Variants in DOCK2 observed in about 807,000 individuals in gnomAD.
DOCK2 encodes the protein dedicator of cytokinesis protein 2.
Under a neutral mutation model 248.9 loss-of-function variants are expected in DOCK2, and 87 were observed. The ratio of observed to expected loss-of-function variants is 0.35; its 90% CI spans 0.29 to 0.42. The LOEUF is 0.42. Ranked by LOEUF, DOCK2 falls within the 10% of genes least tolerant of loss-of-function variation. The pLI is 1.00. For synonymous variants in DOCK2, 805 were observed against 821.6 expected (o/e 0.98, Z 0.35); for missense variants, 1,747 against 2,300.2 (o/e 0.76, Z 4.92).
chr5:169,640,938 G>C (rs1757110601), intron 1 of DOCK2, among the ~76,000 whole-genome samples: 1 of 152,188 alleles, frequency 6.6e-6, no homozygotes, highest in Non-Finnish European at 1.5e-5. Context: ...ACCCATGTGT[G>C]GTGTTGAGGA....
chr5:170,076,301 G>A (rs912737700), intron 47 of DOCK2, among the ~76,000 whole-genome samples: 10 of 152,192 alleles, frequency 6.6e-5, no homozygotes, highest in Admixed American at 1.3e-4. Context: ...CAACTGGATT[G>A]TGCAGATACC....
chr5:170,056,065 C>A (rs1226826920), intron 42 of DOCK2, among the ~76,000 whole-genome samples: 2 of 152,186 alleles, frequency 1.3e-5, no homozygotes, highest in African/African-American at 4.8e-5. Flanking sequence ...CAGTCAGAAA[C>A]AGGATCTGCT....
intron 23 of DOCK2, among the ~76,000 whole-genome samples, chr5:169,749,223 T>G (rs1008531937): frequency 6.6e-6 from 1 of 152,234 alleles, no homozygotes; most frequent in Non-Finnish European, 1.5e-5. Flanking sequence ...GAGGCTAAAT[T>G]TGGCCCTTAG....
rs566980820 is a variant in DOCK2 at position 169,900,952 on chromosome 5, C to T, written c.2799+60100C>T. On this transcript the variant is annotated intron_variant, in intron 27 of 51. Coordinates refer to ENST00000520908, the MANE Select transcript of DOCK2 (RefSeq NM_004946.3). Reference sequence around the variant, plus strand: ...GAGATACAACTGGTGTACCAAACAGCCAAGGTCCTGTCTATTTTGGAACTT... The same window carrying T: ...GAGATACAACTGGTGTACCAAACAGTCAAGGTCCTGTCTATTTTGGAACTT... 1.5e-3 allele frequency among the ~76,000 whole-genome samples: 223 copies of T among 152,180 alleles called. 1 individual carries two copies. The highest frequency in any genetic ancestry group is 4.9e-3 in the African/African-American group (203 of 41,502).
At chr5:169,714,509 C>T (rs1205861340) in intron 19 of DOCK2, 52 bp downstream of exon 19, 1 of 1,594,128 alleles carries the variant, frequency 6.3e-7, no homozygotes, top group South Asian at 1.1e-5. Flanking sequence ...CAGAACTCTC[C>T]ATGTGGGTGG....
At chr5:169,787,493 G>A (rs1224564032) in intron 25 of DOCK2, among the ~76,000 whole-genome samples, 3 of 152,142 alleles carry the variant, frequency 2.0e-5, no homozygotes, top group Non-Finnish European at 2.9e-5. Flanking sequence ...AAACTTACAG[G>A]TGGGCTCACT....
chr5:169,819,996 C>T (rs1768323024), intron 26 of DOCK2, among the ~76,000 whole-genome samples: 1 of 152,202 alleles, frequency 6.6e-6, no homozygotes, highest in South Asian at 2.1e-4. Context: ...CTTGGAGGGT[C>T]CCATGCCCAT....
chr5:170,083,053 T>G lies in DOCK2; in HGVS notation c.*195T>G, dbSNP rs1758089713. On this transcript the variant is annotated 3_prime_UTR_variant, in exon 52 of 52. Transcript: ENST00000520908. ...AGCCCAGCATCCCCTGGGGCTGTGA[T>G]CATGGTGGATGAGGAAGCCTCAACG... The G allele has an allele frequency of 1.6e-6, 1 of 630,086 alleles. No individual in the cohort carries two copies. Among genetic ancestry groups the G allele is most frequent in the Non-Finnish European group, 2.7e-6 (1 of 368,500 alleles). The allele number at this position is 630,086 out of a possible 1,614,324, so 39.0% of individuals were successfully genotyped here. A position where few individuals can be genotyped will look rare whatever the true frequency, so the allele number is the denominator to read the frequency against.
intron 44 of DOCK2, 150 bp downstream of exon 44, chr5:170,057,816 A>C: frequency 1.6e-6 from 1 of 633,946 alleles, no homozygotes; most frequent in Non-Finnish European, 2.5e-6. Context: ...GGCAGCATTC[A>C]GAATAGTGCC....
intron 36 of DOCK2, among the ~76,000 whole-genome samples, chr5:170,038,460 A>G (rs1331266268): frequency 6.6e-6 from 1 of 152,258 alleles, no homozygotes; most frequent in Non-Finnish European, 1.5e-5. Flanking sequence ...TTGGCTGCCA[A>G]CATTTAAAAA....
chr5:169,926,438 A>G (rs908811197), intron 27 of DOCK2, among the ~76,000 whole-genome samples: 1 of 152,178 alleles, frequency 6.6e-6, no homozygotes, highest in Non-Finnish European at 1.5e-5. Flanking sequence ...CCCTGATCAC[A>G]TGAGCCTCGG....
intron 27 of DOCK2, among the ~76,000 whole-genome samples, chr5:169,908,662 T>C (rs1774422108): frequency 6.6e-6 from 1 of 152,184 alleles, no homozygotes; most frequent in African/African-American, 2.4e-5. Context: ...ACTATGTTTG[T>C]AGTTGTTCTT....
chr5:169,715,379 A>T (rs1223199795), intron 19 of DOCK2, among the ~76,000 whole-genome samples: 1 of 152,108 alleles, frequency 6.6e-6, no homozygotes, highest in Non-Finnish European at 1.5e-5. Context: ...CTTAGGAGGG[A>T]GGAAAATCAA....
At chr5:169,747,172 G>C (rs911137365) in intron 22 of DOCK2, among the ~76,000 whole-genome samples, 2 of 152,164 alleles carry the variant, frequency 1.3e-5, no homozygotes, top group African/African-American at 4.8e-5. Context: ...TACGGCAGAA[G>C]GTGTATGCCC....
At chr5:169,843,913 G>A (rs1581272970) in intron 27 of DOCK2, among the ~76,000 whole-genome samples, 1 of 152,328 alleles carries the variant, frequency 6.6e-6, no homozygotes, top group East Asian at 1.9e-4. Flanking sequence ...GAATAATAGT[G>A]CATTATATGA....
intron 1 of DOCK2, among the ~76,000 whole-genome samples, chr5:169,643,733 C>A (rs956903336): frequency 6.6e-6 from 1 of 152,174 alleles, no homozygotes; most frequent in African/African-American, 2.4e-5. Context: ...GCACACGGCC[C>A]CTTGGATCAC....
At chr5:169,697,888 C>T (rs995200391) in intron 10 of DOCK2, among the ~76,000 whole-genome samples, 7 of 152,088 alleles carry the variant, frequency 4.6e-5, no homozygotes, top group African/African-American at 1.7e-4. Context: ...ATCCAGGATA[C>T]CTCTGGAATC....
intron 26 of DOCK2, among the ~76,000 whole-genome samples, chr5:169,804,344 C>G (rs12522660): frequency 0.12 from 18,579 of 152,054 alleles, 1,415 homozygotes; most frequent in Non-Finnish European, 0.17. Context: ...ATATGACATA[C>G]CCGGTGTGCG....
chr5:169,854,982 A>G (rs1253225187), intron 27 of DOCK2, among the ~76,000 whole-genome samples: 1 of 152,220 alleles, frequency 6.6e-6, no homozygotes, highest in Non-Finnish European at 1.5e-5. Flanking sequence ...AGGAGGTGAC[A>G]TTTAAATTGC....
Sources: allele counts gnomAD v4.1 joint callset (sites outside exome capture counted in the v4.1 genomes callset), GRCh38; gene constraint gnomAD v4.1.1; transcripts MANE v1.5; gene names NCBI Gene and HGNC (gene_info 2026-07-23, HGNC 2026-07-21).